The following JCHAIN variants were observed in gnomAD, a reference collection of about 807,000 sequenced individuals.
The protein encoded by JCHAIN is joining chain of multimeric IgA and IgM.
In JCHAIN, 5 loss-of-function variants were observed where a neutral mutation model predicts 11.1. That is an observed-to-expected ratio of 0.45 (90% confidence interval 0.24 to 0.95). The LOEUF is 0.95. JCHAIN is among the 40% of genes least tolerant of loss of function. The pLI is 0.21. For missense variants in JCHAIN, 165 were observed against 192.7 expected (o/e 0.86, Z 0.85); for synonymous variants, 51 against 67.8 (o/e 0.75, Z 1.22).
intron 2 of JCHAIN, among the ~76,000 whole-genome samples, chr4:70,658,144 G>A (rs1343948919): frequency 1.3e-5 from 2 of 152,012 alleles, no homozygotes; most frequent in African/African-American, 2.4e-5. Flanking sequence ...CAATCTCACA[G>A]TCCAGTTGAT....
chr4:70,661,159 A>G (rs1274481514), intron 2 of JCHAIN, among the ~76,000 whole-genome samples: 1 of 152,224 alleles, frequency 6.6e-6, no homozygotes, highest in Non-Finnish European at 1.5e-5. Context: ...TGATTGGGGA[A>G]AAACTATTAA....
At chr4:70,661,338 A>G (rs76630510) in intron 2 of JCHAIN, among the ~76,000 whole-genome samples, 2,028 of 152,352 alleles carry the variant, frequency 0.013, 53 homozygotes, top group African/African-American at 0.048. Context: ...AAGTGAGATC[A>G]AATCAAATTA....
At chr4:70,661,669 G>A (rs1047431250) in intron 2 of JCHAIN, among the ~76,000 whole-genome samples, 8 of 152,122 alleles carry the variant, frequency 5.3e-5, no homozygotes, top group Admixed American at 4.6e-4. Flanking sequence ...GTGCATGCCT[G>A]TAGTCCCATC....
At position 70,657,193 on chromosome 4, in the gene JCHAIN, G is replaced by GA. The variant is rs760158502; in HGVS notation, c.269+17dup. ...TAACTTCCACATCTATATTACTATG[G>GA]AAAAAAATATATCTTACAGGTCAGA... On this transcript the variant is annotated intron_variant, in intron 3 of 3. Transcript: ENST00000254801. 7 of 1,439,164 alleles carry GA rather than the reference G, an allele frequency of 4.9e-6. No homozygotes were observed. The highest frequency in any genetic ancestry group is 1.4e-5 in the African/African-American group (1 of 70,870). The allele number at this position is 1,439,164 out of a possible 1,614,324, so 89.1% of individuals were successfully genotyped here.
At chr4:70,659,040 A>T (rs1739006198) in intron 2 of JCHAIN, among the ~76,000 whole-genome samples, 1 of 152,234 alleles carries the variant, frequency 6.6e-6, no homozygotes, top group Admixed American at 6.5e-5. Context: ...ATAAGACTGT[A>T]AAGACTCTAG....
chr4:70,665,014 G>A (rs1739125834), intron 1 of JCHAIN, among the ~76,000 whole-genome samples: 1 of 152,142 alleles, frequency 6.6e-6, no homozygotes, highest in African/African-American at 2.4e-5. Context: ...TGTTATTAGG[G>A]ACTGTGCCTT....
chr4:70,655,568 A>G lies in JCHAIN; in HGVS notation c.*761T>C, dbSNP rs1001961911. 1 of 152,202 alleles carries G rather than the reference A, an allele frequency of 6.6e-6. No homozygotes were observed. Among genetic ancestry groups the G allele is most frequent in the African/African-American group, 2.4e-5 (1 of 41,460 alleles). 9.4% of individuals were successfully genotyped at this position (152,202 alleles called of 1,614,324 possible). A position where few individuals can be genotyped will look rare whatever the true frequency, so the allele number is the denominator to read the frequency against. ...TGCTTATGAATCTATTTAATTGCTCAGACTGTGCTAGAGAATACGTACCAT... is the reference window on the plus strand; with the variant it reads ...TGCTTATGAATCTATTTAATTGCTCGGACTGTGCTAGAGAATACGTACCAT... On this transcript the variant is annotated 3_prime_UTR_variant, in exon 4 of 4. Coordinates refer to ENST00000254801, the MANE Select transcript of JCHAIN (RefSeq NM_144646.4).
Position 70,656,235 on chromosome 4 carries a change from G to T in JCHAIN, c.*94C>A. The T allele has an allele frequency of 1.2e-6, 1 of 867,284 alleles. No individual in the cohort carries two copies. Among genetic ancestry groups the T allele is most frequent in the Non-Finnish European group, 1.8e-6 (1 of 562,352 alleles). The allele number at this position is 867,284 out of a possible 1,614,324, so 53.7% of individuals were successfully genotyped here. On this transcript the variant is annotated 3_prime_UTR_variant, in exon 4 of 4. Transcript: ENST00000254801. ...CACCCAAAAAAAAAAAAAAGCCCTG[G>T]TTTCAAATTCATTGGTAATAAATAT...
In JCHAIN at chr4:70,657,256, G is replaced by C; in HGVS notation, c.224C>G (p.Pro75Arg). ...AAATCTGGTTCTCAATGGTGAGGTGGGATCAGAGATATTCTCCCTGTTGTT... is the reference window on the plus strand; with the variant it reads ...AAATCTGGTTCTCAATGGTGAGGTGCGATCAGAGATATTCTCCCTGTTGTT... ...PLNNRENISD[P>R]TSPLRTRFVY... is the part of the protein sequence containing the mutation. The change falls in exon 3 of 4, where the codon CCC becomes CGC. Residue 75 changes from proline to arginine, a missense_variant. Coordinates refer to ENST00000254801, the MANE Select transcript of JCHAIN (RefSeq NM_144646.4). 1 of 1,604,808 alleles carries C rather than the reference G, an allele frequency of 6.2e-7. No individual in the cohort carries two copies. The highest frequency in any genetic ancestry group is 8.5e-7 in the Non-Finnish European group (1 of 1,172,144).
Position 70,666,419 on chromosome 4 carries a change from T to C in JCHAIN, c.64+8A>G. ...TTGATCTGGGATCATTTTCTAAATA[T>C]CACATACCTTTCACATGAACAGCCT... On this transcript the variant is annotated splice_region_variant and intron_variant, in intron 1 of 3. Transcript: ENST00000254801. 1 of 1,591,932 alleles carries C rather than the reference T, an allele frequency of 6.3e-7. No homozygotes were observed. The highest frequency in any genetic ancestry group is 8.6e-7 in the Non-Finnish European group (1 of 1,159,982).
chr4:70,662,224 G>A lies in JCHAIN; in HGVS notation c.65-9C>T. On this transcript the variant is annotated splice_polypyrimidine_tract_variant and intron_variant, in intron 1 of 3. Transcript: ENST00000254801. Reference sequence around the variant, plus strand: ...CCTTTCATCTTCTTGGGCTTGAAAGGTAAACGTATTAAAAAGAAAGGAAAA... The same window carrying A: ...CCTTTCATCTTCTTGGGCTTGAAAGATAAACGTATTAAAAAGAAAGGAAAA... The A allele has an allele frequency of 1.9e-6, 3 of 1,609,292 alleles. No individual in the cohort carries two copies. The highest frequency in any genetic ancestry group is 1.1e-5 in the South Asian group (1 of 90,228).
chr4:70,663,852 C>T (rs560001771), intron 1 of JCHAIN, among the ~76,000 whole-genome samples: 3 of 151,938 alleles, frequency 2.0e-5, no homozygotes, highest in African/African-American at 4.8e-5. Context: ...TGAGCCACCA[C>T]GCCTGGCAAA....
chr4:70,657,487 A>G (rs1738971030), intron 2 of JCHAIN, among the ~76,000 whole-genome samples, 196 bp from the exon 3 acceptor site: 2 of 152,166 alleles, frequency 1.3e-5, no homozygotes, highest in South Asian at 2.1e-4. Context: ...TTCAAAATAA[A>G]CCTCACAACA....
intron 2 of JCHAIN, among the ~76,000 whole-genome samples, chr4:70,658,272 C>T (rs898370511): frequency 3.9e-5 from 6 of 152,180 alleles, no homozygotes; most frequent in African/African-American, 2.4e-5. Context: ...TTTGTCTTGA[C>T]CCCTTCAAAC....
At chr4:70,659,744 T>C (rs1300946869) in intron 2 of JCHAIN, among the ~76,000 whole-genome samples, 1 of 148,968 alleles carries the variant, frequency 6.7e-6, no homozygotes, top group Non-Finnish European at 1.5e-5. Context: ...TGCGTGCCTG[T>C]AGTCCCAGCT....
chr4:70,656,689 G>A, intron 3 of JCHAIN, 150 bp from the exon 4 acceptor site: 3 of 615,750 alleles, frequency 4.9e-6, no homozygotes, highest in Middle Eastern at 4.4e-4. Context: ...CTACAATACA[G>A]AATAGCTTAT....
intron 1 of JCHAIN, 40 bp from the exon 2 acceptor site, chr4:70,662,255 G>T (rs759171490): frequency 3.2e-6 from 5 of 1,565,756 alleles, no homozygotes; most frequent in African/African-American, 2.7e-5. Context: ...GAAAACAAAG[G>T]TCAATTTATA....
At position 70,657,199 on chromosome 4, in the gene JCHAIN, A is replaced by T; in HGVS notation, c.269+12T>A. On this transcript the variant is annotated intron_variant, in intron 3 of 3. Coordinates refer to ENST00000254801, the MANE Select transcript of JCHAIN (RefSeq NM_144646.4). Reference sequence around the variant, plus strand: ...CCACATCTATATTACTATGGAAAAAAATATATCTTACAGGTCAGACAAATG... The same window carrying T: ...CCACATCTATATTACTATGGAAAAATATATATCTTACAGGTCAGACAAATG... 3 of 1,498,858 alleles carry T rather than the reference A, an allele frequency of 2.0e-6. No homozygotes were observed. Among genetic ancestry groups the T allele is most frequent in the East Asian group, 4.5e-5 (2 of 44,202 alleles). The allele number at this position is 1,498,858 out of a possible 1,614,324, so 92.8% of individuals were successfully genotyped here. A position where few individuals can be genotyped will look rare whatever the true frequency, so the allele number is the denominator to read the frequency against.
At chr4:70,658,801 G>C (rs568045394) in intron 2 of JCHAIN, among the ~76,000 whole-genome samples, 1 of 152,028 alleles carries the variant, frequency 6.6e-6, no homozygotes, top group African/African-American at 2.4e-5. Flanking sequence ...ATTGGACTGG[G>C]TGCCCCTCCT....
Sources: allele counts gnomAD v4.1 joint callset (sites outside exome capture counted in the v4.1 genomes callset), GRCh38; gene constraint gnomAD v4.1.1; transcripts MANE v1.5; gene names NCBI Gene and HGNC (gene_info 2026-07-23, HGNC 2026-07-21).